Variants in LRRC4C observed in about 807,000 individuals in gnomAD.
LRRC4C encodes the protein leucine rich repeat containing 4C.
A neutral mutation model predicts 33.6 loss-of-function variants in LRRC4C; 5 were observed. The observed-to-expected ratio is 0.15, with a 90% CI of 0.08 to 0.31. The LOEUF (loss-of-function observed/expected upper bound fraction) is 0.31, where lower values mean the gene tolerates loss of function less well. LRRC4C is among the 10% of genes least tolerant of loss of function. LRRC4C has a pLI of 1.00. For missense variants in LRRC4C, 560 were observed against 796.7 expected (o/e 0.70, Z 3.58); for synonymous variants, 329 against 302.0 (o/e 1.09, Z -0.93).
intron 3 of LRRC4C, among the ~76,000 whole-genome samples, chr11:40,473,637 C>T (rs553731062): frequency 5.3e-5 from 8 of 152,182 alleles, no homozygotes; most frequent in African/African-American, 1.9e-4. Flanking sequence ...AAAGGGTACT[C>T]AAATAGGAAG....
intron 4 of LRRC4C, among the ~76,000 whole-genome samples, chr11:40,246,547 C>T (rs7125624): frequency 0.75 from 113,384 of 151,964 alleles, 46,214 homozygotes; most frequent in East Asian, 0.95. Context: ...CTTCTATTAG[C>T]GGCAGAAATA....
chr11:40,527,051 A>G (rs1279907642), intron 3 of LRRC4C, among the ~76,000 whole-genome samples: 1 of 152,196 alleles, frequency 6.6e-6, no homozygotes, highest in African/African-American at 2.4e-5. Context: ...ATTTATACAA[A>G]GTTGATAAAC....
intron 3 of LRRC4C, among the ~76,000 whole-genome samples, chr11:40,330,847 A>C (rs1318991663): frequency 6.6e-6 from 1 of 152,156 alleles, no homozygotes; most frequent in East Asian, 1.9e-4. Flanking sequence ...AAACCATATC[A>C]CCTCTCTTCT....
intron 1 of LRRC4C, among the ~76,000 whole-genome samples, chr11:41,313,426 T>C (rs1269245142): frequency 6.6e-6 from 1 of 152,172 alleles, no homozygotes; most frequent in African/African-American, 2.4e-5. Context: ...AACCACCATA[T>C]TTCGTTTACC....
chr11:41,035,228 TATAA>T (rs1242705189), intron 1 of LRRC4C, among the ~76,000 whole-genome samples: 1 of 149,390 alleles, frequency 6.7e-6, no homozygotes, highest in African/African-American at 2.5e-5. Flanking sequence ...TAAATAAATA[TATAA>T]ATAAATAAAA....
At chr11:40,790,876 C>T (rs1002686812) in intron 2 of LRRC4C, among the ~76,000 whole-genome samples, 1 of 152,152 alleles carries the variant, frequency 6.6e-6, no homozygotes, top group South Asian at 2.1e-4. Flanking sequence ...ATTTTTGTTT[C>T]TCTCTGATGG....
intron 1 of LRRC4C, among the ~76,000 whole-genome samples, chr11:41,356,906 A>G (rs1952181169): frequency 6.6e-6 from 1 of 152,158 alleles, no homozygotes; most frequent in African/African-American, 2.4e-5. Flanking sequence ...GCATCTGGCC[A>G]ACGTTTCCCT....
At chr11:40,709,005 A>C (rs570039516) in intron 2 of LRRC4C, among the ~76,000 whole-genome samples, 5 of 152,140 alleles carry the variant, frequency 3.3e-5, no homozygotes, top group African/African-American at 9.6e-5. Flanking sequence ...AGTCTGTTTT[A>C]TCAGAGACTA....
At chr11:40,892,779 TG>T (rs1182388530) in intron 2 of LRRC4C, among the ~76,000 whole-genome samples, 1 of 152,132 alleles carries the variant, frequency 6.6e-6, no homozygotes, top group East Asian at 1.9e-4. Flanking sequence ...TACCAGCGGC[TG>T]GGGGCTGAAT....
intron 3 of LRRC4C, among the ~76,000 whole-genome samples, chr11:40,355,652 A>G (rs1379397471): frequency 6.6e-6 from 1 of 152,108 alleles, no homozygotes; most frequent in African/African-American, 2.4e-5. Context: ...CCCTCCCGCA[A>G]GCACAGATTC....
At chr11:41,372,448 T>C (rs893423917) in intron 1 of LRRC4C, among the ~76,000 whole-genome samples, 5 of 152,220 alleles carry the variant, frequency 3.3e-5, no homozygotes, top group Non-Finnish European at 5.9e-5. Context: ...TCATATATTA[T>C]TGATACATGC....
At chr11:41,031,163 T>C (rs1328252818) in intron 1 of LRRC4C, among the ~76,000 whole-genome samples, 1 of 151,926 alleles carries the variant, frequency 6.6e-6, no homozygotes, top group Non-Finnish European at 1.5e-5. Context: ...TTATTTAAAA[T>C]GGCTAGTAGG....
chr11:40,444,783 G>A (rs1191897014), intron 3 of LRRC4C, among the ~76,000 whole-genome samples: 1 of 152,144 alleles, frequency 6.6e-6, no homozygotes, highest in African/African-American at 2.4e-5. Context: ...TACAAGGACT[G>A]TCAAATTCTC....
intron 5 of LRRC4C, among the ~76,000 whole-genome samples, chr11:40,180,621 G>T (rs1860911712): frequency 6.6e-6 from 1 of 152,082 alleles, no homozygotes; most frequent in African/African-American, 2.4e-5. Flanking sequence ...TCTCTCTGTT[G>T]GTTTCCTCTT....
In LRRC4C at chr11:40,652,836, C is replaced by G. The variant is rs562330981; in HGVS notation, c.-406-4558G>C. Among the ~76,000 whole-genome samples the G allele has an allele frequency of 1.1e-3, 171 of 152,294 alleles. 1 individual carries two copies. The highest frequency in any genetic ancestry group is 3.6e-3 in the African/African-American group (148 of 41,554). On this transcript the variant is annotated intron_variant, in intron 2 of 6. Coordinates refer to ENST00000528697, the MANE Select transcript of LRRC4C (RefSeq NM_001258419.2). ...GCTCTGATATGGTTTGACTCTGTGT[C>G]TCTGCCCAAATCACCTTGATTATAA...
intron 1 of LRRC4C, among the ~76,000 whole-genome samples, chr11:41,383,295 A>T (rs1953228021): frequency 6.6e-6 from 1 of 152,200 alleles, no homozygotes; most frequent in African/African-American, 2.4e-5. Flanking sequence ...GGAATTTGCC[A>T]TGACAGCTGG....
chr11:40,320,228 G>A (rs574210882), intron 3 of LRRC4C, among the ~76,000 whole-genome samples: 25 of 152,176 alleles, frequency 1.6e-4, no homozygotes, highest in African/African-American at 3.4e-4. Context: ...GAAAATGGCC[G>A]GGCGCGGTGG....
chr11:40,662,961 T>G (rs1053802083), intron 2 of LRRC4C, among the ~76,000 whole-genome samples: 7 of 152,252 alleles, frequency 4.6e-5, no homozygotes, highest in African/African-American at 1.7e-4. Flanking sequence ...CATAATAATG[T>G]GCTAGTTCTG....
intron 3 of LRRC4C, among the ~76,000 whole-genome samples, chr11:40,474,176 G>A (rs1024644089): frequency 1.3e-5 from 2 of 151,066 alleles, no homozygotes; most frequent in Admixed American, 6.6e-5. Flanking sequence ...AAAGCTGGAA[G>A]CATCAGGTTA....
Sources: allele counts gnomAD v4.1 joint callset (sites outside exome capture counted in the v4.1 genomes callset), GRCh38; gene constraint gnomAD v4.1.1; transcripts MANE v1.5; gene names NCBI Gene and HGNC (gene_info 2026-07-23, HGNC 2026-07-21).